Variants in TBC1D7 observed in about 807,000 individuals in gnomAD.
The protein encoded by TBC1D7 is TBC1 domain family member 7.
In TBC1D7, 33 loss-of-function variants were observed where a neutral mutation model predicts 35.3. The observed-to-expected ratio is 0.93, with a 90% CI of 0.71 to 1.25. The LOEUF is 1.25. Among genes scored for constraint, TBC1D7 ranks in the 50% most tolerant of loss-of-function variants. TBC1D7 has a pLI of 0.00. For missense variants in TBC1D7, 362 were observed against 365.3 expected (o/e 0.99, Z 0.07); for synonymous variants, 135 against 129.5 (o/e 1.04, Z -0.29).
At chr6:13,312,286 G>C (rs1783274777) in intron 5 of TBC1D7, among the ~76,000 whole-genome samples, 1 of 152,204 alleles carries the variant, frequency 6.6e-6, no homozygotes, top group African/African-American at 2.4e-5. Flanking sequence ...AGAAGTAGTG[G>C]TGTTGCAGGT....
chr6:13,305,184 G>T lies in TBC1D7; in HGVS notation c.799C>A (p.Pro267Thr). ...ACGATCGCGTCTGAGCTGTCCTGGG[G>T]AATCTGTGGGCAAGCAAATCAGTCT... is the stretch of plus-strand genomic sequence containing the variant. ...EKITKFLENIPQDSSDAIVSK... is the reference protein window; with the variant it reads ...EKITKFLENITQDSSDAIVSK... Residue 267 changes from proline to threonine, a missense_variant, in exon 8 of 8, where the codon CCC becomes ACC. Physicochemically the swap from Pro to Thr is conservative, Grantham distance 38. Coordinates refer to ENST00000379300, the MANE Select transcript of TBC1D7 (RefSeq NM_016495.6). 1 of 1,614,144 alleles carries T rather than the reference G, an allele frequency of 6.2e-7. No homozygotes were observed. The highest frequency in any genetic ancestry group is 8.5e-7 in the Non-Finnish European group (1 of 1,180,018).
At chr6:13,323,561 A>G (rs1232121248) in intron 3 of TBC1D7, 3 of 152,178 alleles carry the variant, frequency 2.0e-5, no homozygotes, top group Non-Finnish European at 2.9e-5. Flanking sequence ...GGCACGGAGA[A>G]CAGTAACATT....
At position 13,307,643 on chromosome 6, in the gene TBC1D7, T is replaced by C; in HGVS notation, c.622A>G (p.Lys208Glu). The C allele has an allele frequency of 6.2e-7, 1 of 1,614,168 alleles. No homozygotes were observed. Among genetic ancestry groups the C allele is most frequent in the Non-Finnish European group, 8.5e-7 (1 of 1,180,034 alleles). Residue 208 changes from lysine (K) to glutamate (E), a missense_variant, in exon 6 of 8, where the codon AAG (lysine) becomes GAG (glutamate). By Grantham distance (56) the Lys-to-Glu change is moderately conservative (BLOSUM62 1). Transcript: ENST00000379300. The stretch of plus-strand genomic sequence containing the variant: ...GGCAAACATCCCGCAAAGCACCTCT[T>C]GAACCAGAGATCATAAGGAAGTTTG... ...APKLPYDLWF[K>E]RCFAGCLPES...
intron 4 of TBC1D7, 71 bp from the exon 5 acceptor site, chr6:13,316,779 A>G (rs1323152982): frequency 6.4e-7 from 1 of 1,558,086 alleles, no homozygotes; most frequent in Non-Finnish European, 8.7e-7. Context: ...TTAATAAAAA[A>G]TGAAACCTTG....
intron 5 of TBC1D7, among the ~76,000 whole-genome samples, chr6:13,312,948 A>G (rs568309433): frequency 2.6e-5 from 4 of 152,178 alleles, no homozygotes; most frequent in Non-Finnish European, 5.9e-5. Context: ...GGCCAAAAAT[A>G]TTCAGGAAAT....
Position 13,306,459 on chromosome 6 carries a change from G to C in TBC1D7, c.734C>G (p.Thr245Ser). 6.2e-7 allele frequency: 1 copy of C among 1,608,998 alleles called. No homozygotes were observed. ...LVFVAVEILL[T>S]FKIKVMALNS... ...CAGTGCCATAACTTTTATTTTAAAG[G>C]TTAATAAAATTTCGACAGCTACAAA... Residue 245 changes from threonine (T) to serine (S), a missense_variant, in exon 7 of 8, where the codon ACC (threonine) becomes AGC (serine). Coordinates refer to ENST00000379300, the MANE Select transcript of TBC1D7 (RefSeq NM_016495.6).
intron 5 of TBC1D7, among the ~76,000 whole-genome samples, chr6:13,310,076 G>C (rs2458310): frequency 0.31 from 46,394 of 152,094 alleles, 7,370 homozygotes; most frequent in South Asian, 0.46. Flanking sequence ...TGTGAGGATG[G>C]AAAAGACTAT....
intron 7 of TBC1D7, 184 bp downstream of exon 7, chr6:13,306,214 A>G (rs1782795932): frequency 2.2e-6 from 1 of 457,188 alleles, no homozygotes. Flanking sequence ...AAATCAAATT[A>G]TTATTTCTCT....
At chr6:13,314,466 C>T (rs902531553) in intron 5 of TBC1D7, among the ~76,000 whole-genome samples, 1 of 152,116 alleles carries the variant, frequency 6.6e-6, no homozygotes, top group Non-Finnish European at 1.5e-5. Context: ...TATCAAAATG[C>T]TACTGACTTA....
chr6:13,305,055 T>G lies in TBC1D7; in HGVS notation c.*46A>C. Reference sequence around the variant, plus strand: ...CCCAGATCACATGCCAAGAACACAATGCTCACTGTGGTGCCTGGCAGACGG... The same window carrying G: ...CCCAGATCACATGCCAAGAACACAAGGCTCACTGTGGTGCCTGGCAGACGG... On this transcript the variant is annotated 3_prime_UTR_variant, in exon 8 of 8. Coordinates refer to ENST00000379300, the MANE Select transcript of TBC1D7 (RefSeq NM_016495.6). 1 of 1,442,390 alleles carries G rather than the reference T, an allele frequency of 6.9e-7. No individual in the cohort carries two copies. The highest frequency in any genetic ancestry group is 9.5e-7 in the Non-Finnish European group (1 of 1,054,560). The allele number at this position is 1,442,390 out of a possible 1,614,324, so 89.3% of individuals were successfully genotyped here. A position where few individuals can be genotyped will look rare whatever the true frequency, so the allele number is the denominator to read the frequency against.
At chr6:13,306,247 C>A in intron 7 of TBC1D7, 151 bp downstream of exon 7, 1 of 557,994 alleles carries the variant, frequency 1.8e-6, no homozygotes, top group Non-Finnish European at 2.9e-6. Flanking sequence ...CTAAAATAAT[C>A]ATTATTATAA....
At chr6:13,313,329 A>AT (rs1783366145) in intron 5 of TBC1D7, among the ~76,000 whole-genome samples, 1 of 152,210 alleles carries the variant, frequency 6.6e-6, no homozygotes, top group Non-Finnish European at 1.5e-5. Flanking sequence ...ATAAGATGCC[A>AT]TTTCACTATC....
intron 3 of TBC1D7, chr6:13,323,917 G>A (rs1037743972): frequency 6.6e-6 from 1 of 152,188 alleles, no homozygotes; most frequent in Admixed American, 6.5e-5. Flanking sequence ...CTTAGCCTCA[G>A]AGAGTCTTTT....
At chr6:13,309,772 TG>T (rs1783065037) in intron 5 of TBC1D7, among the ~76,000 whole-genome samples, 1 of 152,232 alleles carries the variant, frequency 6.6e-6, no homozygotes, top group African/African-American at 2.4e-5. Context: ...AGTATTTTGC[TG>T]TTTGCATTCA....
At chr6:13,308,186 G>T (rs76596142) in intron 5 of TBC1D7, among the ~76,000 whole-genome samples, 2,440 of 152,290 alleles carry the variant, frequency 0.016, 69 homozygotes, top group African/African-American at 0.056. Context: ...TAAAACCAAA[G>T]AAATAGAGTG....
chr6:13,325,214 C>A, intron 2 of TBC1D7, 40 bp from the exon 3 acceptor site: 2 of 1,418,838 alleles, frequency 1.4e-6, no homozygotes, highest in Non-Finnish European at 2.0e-6. Context: ...GCTTTTCATG[C>A]TGATCACAGT....
chr6:13,313,541 G>A (rs1356633219), intron 5 of TBC1D7, among the ~76,000 whole-genome samples: 1 of 140,830 alleles, frequency 7.1e-6, no homozygotes, highest in African/African-American at 2.7e-5. Context: ...TCTGCTCGTA[G>A]GTACCAAGCC....
chr6:13,310,663 T>C (rs59639740), intron 5 of TBC1D7, among the ~76,000 whole-genome samples: 1 of 140,092 alleles, frequency 7.1e-6, no homozygotes, highest in South Asian at 2.5e-4. Flanking sequence ...AGAATATTGT[T>C]TAAGAATATA....
In TBC1D7 at chr6:13,306,471, T is replaced by C; in HGVS notation, c.722A>G (p.Glu241Gly). 5.6e-6 allele frequency: 9 copies of C among 1,610,116 alleles called. No individual in the cohort carries two copies. Among genetic ancestry groups the C allele is most frequent in the Non-Finnish European group, 6.8e-6 (8 of 1,178,384 alleles). The stretch of plus-strand genomic sequence containing the variant: ...TTTTATTTTAAAGGTTAATAAAATT[T>C]CGACAGCTACAAAAACTAGGATCTT... Reference protein sequence around the residue: ...SCKILVFVAVEILLTFKIKVM... With the variant: ...SCKILVFVAVGILLTFKIKVM... The change falls in exon 7 of 8, where the codon GAA becomes GGA. Residue 241 changes from glutamate (E) to glycine (G), a missense_variant. By Grantham distance (98) the Glu-to-Gly change is moderately conservative (BLOSUM62 -2). Transcript: ENST00000379300.
Sources: allele counts gnomAD v4.1 joint callset (sites outside exome capture counted in the v4.1 genomes callset), GRCh38; gene constraint gnomAD v4.1.1; transcripts MANE v1.5; gene names NCBI Gene and HGNC (gene_info 2026-07-23, HGNC 2026-07-21).